The following DMD variants were observed in gnomAD, a reference collection of about 807,000 sequenced individuals.
The protein encoded by DMD is dystrophin.
A neutral mutation model predicts 330.1 loss-of-function variants in DMD; 63 were observed. That is an observed-to-expected ratio of 0.19 (90% CI 0.16 to 0.24). The LOEUF (loss-of-function observed/expected upper bound fraction) is 0.24. DMD is among the 10% of genes least tolerant of loss of function. DMD has a pLI of 1.00. For synonymous variants in DMD, 1,223 were observed against 959.8 expected, an observed-to-expected ratio of 1.27 and a Z score of -5.07; for missense variants, 3,344 against 2,684.1, an observed-to-expected ratio of 1.25 and a Z score of -5.43.
chrX:32,130,969 G>A (rs2096690294), intron 44 of DMD, among the ~76,000 whole-genome samples: 1 of 111,978 alleles, frequency 8.9e-6, no homozygotes, highest in Admixed American at 9.4e-5. Context: ...CAGATCACCT[G>A]AGGTCAGGAG....
At chrX:31,434,953 G>T (rs2064404568) in intron 60 of DMD, among the ~76,000 whole-genome samples, 1 of 112,042 alleles carries the variant, frequency 8.9e-6, no homozygotes, top group Non-Finnish European at 1.9e-5. Context: ...AATCATAAAT[G>T]AATAGGAAAT....
intron 44 of DMD, among the ~76,000 whole-genome samples, chrX:32,094,432 T>C (rs2096493411): frequency 8.9e-6 from 1 of 112,344 alleles, no homozygotes; most frequent in Non-Finnish European, 1.9e-5. Flanking sequence ...TTTTTCTTCA[T>C]TTACAAATAT....
At chrX:32,135,938 T>C (rs2096722618) in intron 44 of DMD, among the ~76,000 whole-genome samples, 1 of 111,802 alleles carries the variant, frequency 8.9e-6, no homozygotes, top group South Asian at 3.7e-4. Flanking sequence ...GATGACATGT[T>C]ATAATTAGGA....
intron 49 of DMD, among the ~76,000 whole-genome samples, chrX:31,829,319 G>A (rs1022372285): frequency 9.1e-6 from 1 of 109,794 alleles, no homozygotes; most frequent in Non-Finnish European, 1.9e-5. Flanking sequence ...TTCAGAATTC[G>A]CCACTATAGA....
At chrX:31,413,895 G>A (rs1172695083) in intron 60 of DMD, among the ~76,000 whole-genome samples, 1 of 110,029 alleles carries the variant, frequency 9.1e-6, no homozygotes, top group African/African-American at 3.3e-5. Flanking sequence ...CAATATTAAG[G>A]TGAAAACTTT....
chrX:33,116,323 T>C (rs1156498398), intron 1 of DMD, among the ~76,000 whole-genome samples: 2 of 110,032 alleles, frequency 1.8e-5, no homozygotes, highest in Non-Finnish European at 3.8e-5. Flanking sequence ...TCAGCCTGAG[T>C]GATAAGGCAA....
chrX:32,854,914 G>C (rs1458910702), intron 2 of DMD, among the ~76,000 whole-genome samples: 1 of 111,501 alleles, frequency 9.0e-6, no homozygotes, highest in African/African-American at 3.3e-5. Context: ...GACAAATACT[G>C]ATACAAAAAT....
intron 9 of DMD, among the ~76,000 whole-genome samples, chrX:32,686,577 A>G (rs1426671732): frequency 4.7e-5 from 5 of 107,156 alleles, no homozygotes; most frequent in Non-Finnish European, 9.6e-5. Context: ...AAAAAAAAAA[A>G]AAAAAGAAAA....
intron 1 of DMD, among the ~76,000 whole-genome samples, chrX:33,225,184 G>A (rs1427997058): frequency 9.0e-6 from 1 of 111,520 alleles, no homozygotes; most frequent in East Asian, 2.8e-4. Context: ...TGGAATTTAG[G>A]TGTAGGAAAA....
intron 64 of DMD, among the ~76,000 whole-genome samples, chrX:31,214,333 A>G (rs2045097217): frequency 8.9e-6 from 1 of 112,361 alleles, no homozygotes; most frequent in South Asian, 3.7e-4. Flanking sequence ...CCAAAATAAG[A>G]TACTATGGCT....
At chrX:33,208,203 A>G (rs1391036679) in intron 1 of DMD, among the ~76,000 whole-genome samples, 1 of 111,953 alleles carries the variant, frequency 8.9e-6, no homozygotes, top group Non-Finnish European at 1.9e-5. Flanking sequence ...AAAGGCAGAA[A>G]TGTCAAATTC....
intron 43 of DMD, among the ~76,000 whole-genome samples, chrX:32,247,430 T>C (rs2097244663): frequency 8.9e-6 from 1 of 111,940 alleles, no homozygotes; most frequent in African/African-American, 3.2e-5. Context: ...CCAGATATGA[T>C]GGTAGTTGCT....
At chrX:31,484,944 C>A (rs1257150991) in intron 57 of DMD, among the ~76,000 whole-genome samples, 1 of 112,078 alleles carries the variant, frequency 8.9e-6, no homozygotes, top group East Asian at 2.8e-4. Flanking sequence ...TTCATCCATG[C>A]AAATTGAGAT....
At position 32,575,756 on chromosome X, in the gene DMD, G is replaced by A. The variant is rs189883747; in HGVS notation, c.1603-1910C>T. On this transcript the variant is annotated intron_variant, in intron 13 of 78. Coordinates refer to ENST00000357033, the MANE Select transcript of DMD (RefSeq NM_004006.3). The stretch of plus-strand genomic sequence containing the variant: ...GTATAAACTACACCATCTACCTGAC[G>A]TGATGATGCAGATCTACAAAGTCAA... Among the ~76,000 whole-genome samples the A allele has an allele frequency of 3.3e-3, 365 of 111,850 alleles. 1 individual carries two copies. Among genetic ancestry groups the A allele is most frequent in the African/African-American group, 0.011 (338 of 30,770 alleles).
chrX:32,121,046 G>A (rs898747291), intron 44 of DMD, among the ~76,000 whole-genome samples: 4 of 111,840 alleles, frequency 3.6e-5, no homozygotes, highest in African/African-American at 9.8e-5. Context: ...GAACAAGCCC[G>A]GAAGTGCAAA....
At chrX:32,324,233 T>C (rs2097638318) in intron 41 of DMD, among the ~76,000 whole-genome samples, 2 of 111,712 alleles carry the variant, frequency 1.8e-5, no homozygotes, top group Non-Finnish European at 1.9e-5. Context: ...ATTCTATGCA[T>C]GTAGCAAAAT....
intron 43 of DMD, among the ~76,000 whole-genome samples, chrX:32,259,225 T>G (rs1226536085): frequency 9.1e-6 from 1 of 110,150 alleles, no homozygotes; most frequent in African/African-American, 3.3e-5. Context: ...ATATTATTCA[T>G]TAAAATTATA....
chrX:31,245,630 T>C (rs1051337631), intron 63 of DMD, among the ~76,000 whole-genome samples: 3 of 112,155 alleles, frequency 2.7e-5, no homozygotes, highest in Non-Finnish European at 5.6e-5. Flanking sequence ...CTGTGTCTCG[T>C]TTTGAAAATT....
At chrX:33,063,352 T>G (rs959242160) in intron 1 of DMD, among the ~76,000 whole-genome samples, 2 of 111,632 alleles carry the variant, frequency 1.8e-5, no homozygotes, top group African/African-American at 6.5e-5. Flanking sequence ...TGCATGTATT[T>G]GAGGATGATA....
Sources: allele counts gnomAD v4.1 joint callset (sites outside exome capture counted in the v4.1 genomes callset), GRCh38; gene constraint gnomAD v4.1.1; transcripts MANE v1.5; gene names NCBI Gene and HGNC (gene_info 2026-07-23, HGNC 2026-07-21).